The following GADL1 variants were observed in gnomAD, a reference collection of about 807,000 sequenced individuals.
GADL1 encodes GAD like acidic amino acid decarboxylase 1.
A neutral mutation model predicts 69.5 loss-of-function variants in GADL1; 71 were observed. The ratio of observed to expected loss-of-function variants is 1.02; its 90% CI spans 0.84 to 1.25. The LOEUF is 1.25. Among genes scored for constraint, GADL1 ranks in the 50% most tolerant of loss-of-function variants. The probability of loss-of-function intolerance (pLI) is 0.00; values close to 1 mark genes in which losing one functional copy is unlikely to be tolerated. For synonymous variants in GADL1, 254 were observed against 214.4 expected, an observed-to-expected ratio of 1.18 and a Z score of -1.62; for missense variants, 737 against 631.8, an observed-to-expected ratio of 1.17 and a Z score of -1.79.
At chr3:30,828,482 G>A (rs1406651475) in intron 11 of GADL1, among the ~76,000 whole-genome samples, 2 of 150,352 alleles carry the variant, frequency 1.3e-5, no homozygotes, top group African/African-American at 2.4e-5. Flanking sequence ...ATAAAAGTGG[G>A]GGGGGTGCGG....
At chr3:30,800,606 C>T (rs1232599848) in intron 12 of GADL1, 1 of 417,716 alleles carries the variant, frequency 2.4e-6, no homozygotes, top group Non-Finnish European at 4.4e-6. Flanking sequence ...CTCACCTTGC[C>T]AAAAATGAGG....
intron 9 of GADL1, among the ~76,000 whole-genome samples, chr3:30,835,082 T>A (rs1489763323): frequency 6.6e-6 from 1 of 152,140 alleles, no homozygotes; most frequent in Non-Finnish European, 1.5e-5. Context: ...CCTTACAGCA[T>A]TCCATTAGGA....
rs554733765 is a variant in GADL1, at chr3:30,813,500, C to A, written c.1051-12412G>T. 4.6e-5 allele frequency among the ~76,000 whole-genome samples: 7 copies of A among 152,306 alleles called. No homozygotes were observed. The South Asian group carries it at 1.5e-3, about 32-fold the overall frequency. On this transcript the variant is annotated intron_variant, in intron 11 of 14. Coordinates refer to ENST00000282538, the MANE Select transcript of GADL1 (RefSeq NM_207359.3). The stretch of plus-strand genomic sequence containing the variant: ...GAGCACAATACTTAACAAAATCAAT[C>A]TATGTCCCCAGCTTATTGTGATGCT...
chr3:30,839,136 C>T, intron 8 of GADL1, 23 bp from the exon 9 acceptor site: 1 of 1,395,874 alleles, frequency 7.2e-7, no homozygotes, highest in Non-Finnish European at 9.7e-7. Context: ...TCCACACACA[C>T]AAAATTATCA....
At chr3:30,818,540 T>C (rs1486416075) in intron 11 of GADL1, among the ~76,000 whole-genome samples, 1 of 152,178 alleles carries the variant, frequency 6.6e-6, no homozygotes, top group African/African-American at 2.4e-5. Context: ...TATTTCATGT[T>C]ATTGTGAATT....
intron 11 of GADL1, among the ~76,000 whole-genome samples, chr3:30,825,332 AT>A (rs1171225282): frequency 6.6e-6 from 1 of 151,970 alleles, no homozygotes; most frequent in Non-Finnish European, 1.5e-5. Context: ...TTTAAATACA[AT>A]TACTAAAAGT....
intron 1 of GADL1, among the ~76,000 whole-genome samples, chr3:30,879,939 G>A (rs1426399300): frequency 2.0e-5 from 3 of 151,892 alleles, no homozygotes; most frequent in Admixed American, 2.0e-4. Context: ...TATTTTGACT[G>A]CCTGAATCTA....
At chr3:30,864,506 A>G (rs1261379726) in intron 1 of GADL1, among the ~76,000 whole-genome samples, 1 of 151,988 alleles carries the variant, frequency 6.6e-6, no homozygotes, top group Non-Finnish European at 1.5e-5. Context: ...AATTCACACA[A>G]TTATCTAGGA....
intron 11 of GADL1, among the ~76,000 whole-genome samples, chr3:30,824,893 C>A (rs1697657949): frequency 1.3e-5 from 2 of 151,758 alleles, no homozygotes; most frequent in Admixed American, 1.3e-4. Flanking sequence ...TCAAGCTGTT[C>A]ATTTATTTTA....
At chr3:30,836,238 C>A (rs997427474) in intron 9 of GADL1, among the ~76,000 whole-genome samples, 2 of 151,944 alleles carry the variant, frequency 1.3e-5, no homozygotes, top group Non-Finnish European at 1.5e-5. Context: ...CTGAGCTAGC[C>A]TCTGCCTCCA....
chr3:30,805,602 T>TTTCAC (rs1360000767), intron 11 of GADL1, among the ~76,000 whole-genome samples: 2 of 152,118 alleles, frequency 1.3e-5, no homozygotes, highest in African/African-American at 4.8e-5. Flanking sequence ...CCGTAGGTTG[T>TTTCAC]ATATTCTCCT....
At chr3:30,748,613 T>C (rs1274508596) in intron 14 of GADL1, among the ~76,000 whole-genome samples, 1 of 152,236 alleles carries the variant, frequency 6.6e-6, no homozygotes, top group East Asian at 1.9e-4. Context: ...TAAGAGGCTT[T>C]AGCTATCAAA....
chr3:30,817,224 A>G (rs1388133760), intron 11 of GADL1, among the ~76,000 whole-genome samples: 1 of 152,208 alleles, frequency 6.6e-6, no homozygotes, highest in Non-Finnish European at 1.5e-5. Flanking sequence ...AAAATTGTCT[A>G]AAGCTGTAGA....
At chr3:30,836,330 C>CATT (rs2125524906) in intron 9 of GADL1, among the ~76,000 whole-genome samples, 1 of 151,266 alleles carries the variant, frequency 6.6e-6, no homozygotes, top group Non-Finnish European at 1.5e-5. Flanking sequence ...CCTTCCAAGG[C>CATT]ATTAGTTCAC....
intron 14 of GADL1, among the ~76,000 whole-genome samples, chr3:30,769,831 G>A (rs2125491440): frequency 7.6e-6 from 1 of 131,406 alleles, no homozygotes; most frequent in South Asian, 2.5e-4. Flanking sequence ...GTCGATAGTG[G>A]GCCAATCCCA....
chr3:30,856,610 C>A (rs548139798), intron 3 of GADL1, among the ~76,000 whole-genome samples: 1 of 151,942 alleles, frequency 6.6e-6, no homozygotes, highest in African/African-American at 2.4e-5. Flanking sequence ...ATTAAAGATA[C>A]CTTTTGAACA....
At chr3:30,766,139 T>G (rs1696270180) in intron 14 of GADL1, among the ~76,000 whole-genome samples, 1 of 152,154 alleles carries the variant, frequency 6.6e-6, no homozygotes, top group South Asian at 2.1e-4. Context: ...TCATTCCCCA[T>G]TCAGAGGAAG....
intron 6 of GADL1, among the ~76,000 whole-genome samples, chr3:30,847,803 T>C (rs1168541363): frequency 6.6e-6 from 1 of 152,184 alleles, no homozygotes; most frequent in Non-Finnish European, 1.5e-5. Context: ...AACCACTTAG[T>C]TATGGTTTCA....
At chr3:30,842,157 G>C (rs890476382) in intron 8 of GADL1, among the ~76,000 whole-genome samples, 4 of 152,106 alleles carry the variant, frequency 2.6e-5, no homozygotes, top group Non-Finnish European at 2.9e-5. Context: ...AACTTTATTT[G>C]AATCCTTGAT....
Sources: allele counts gnomAD v4.1 joint callset (sites outside exome capture counted in the v4.1 genomes callset), GRCh38; gene constraint gnomAD v4.1.1; transcripts MANE v1.5; gene names NCBI Gene and HGNC (gene_info 2026-07-23, HGNC 2026-07-21).